WDR27: variants seen among roughly 807,000 people sequenced by gnomAD.
WDR27 encodes WD repeat-containing protein 27.
A neutral mutation model predicts 114.4 loss-of-function variants in WDR27; 100 were observed. The observed-to-expected ratio is 0.87, with a 90% CI of 0.74 to 1.03. The LOEUF is 1.03. WDR27 is among the 50% of genes least tolerant of loss of function. The pLI, the probability that WDR27 is intolerant of heterozygous loss-of-function variation, is 0.00. For missense variants in WDR27, 1,129 were observed against 1,092.9 expected (o/e 1.03, Z -0.47); for synonymous variants, 449 against 423.1 (o/e 1.06, Z -0.75).
intron 13 of WDR27, among the ~76,000 whole-genome samples, chr6:169,652,246 T>G (rs1008453002): frequency 2.5e-4 from 38 of 152,040 alleles, no homozygotes; most frequent in Non-Finnish European, 4.4e-4. Flanking sequence ...TTGTTGTTGT[T>G]TTGTTGTTGT....
intron 25 of WDR27, among the ~76,000 whole-genome samples, chr6:169,482,261 A>C (rs191192002): frequency 1.3e-5 from 2 of 152,208 alleles, no homozygotes; most frequent in African/African-American, 4.8e-5. Flanking sequence ...ATGAACATAC[A>C]TGTGCATGAG....
chr6:169,676,303 C>A (rs748002797), intron 2 of WDR27, among the ~76,000 whole-genome samples: 11 of 152,190 alleles, frequency 7.2e-5, no homozygotes, highest in Non-Finnish European at 1.6e-4. Context: ...CTTAAGGATT[C>A]ACACACTAAA....
intron 24 of WDR27, among the ~76,000 whole-genome samples, chr6:169,576,664 G>C (rs1802387920): frequency 6.6e-6 from 1 of 151,886 alleles, no homozygotes; most frequent in Non-Finnish European, 1.5e-5. Context: ...CTACTTAGGA[G>C]GTTGAGGCAG....
chr6:169,682,423 A>G (rs1346982055), intron 2 of WDR27, among the ~76,000 whole-genome samples: 1 of 152,202 alleles, frequency 6.6e-6, no homozygotes, highest in Non-Finnish European at 1.5e-5. Context: ...ACCCACGCTG[A>G]GTCCTACCCA....
chr6:169,558,844 A>T (rs975944376), intron 25 of WDR27: 1 of 152,214 alleles, frequency 6.6e-6, no homozygotes, highest in Non-Finnish European at 1.5e-5. Context: ...ATGAGCCATA[A>T]ATCCACAGCA....
chr6:169,642,173 T>C (rs887872022), intron 17 of WDR27, among the ~76,000 whole-genome samples: 2 of 152,184 alleles, frequency 1.3e-5, no homozygotes, highest in African/African-American at 4.8e-5. Flanking sequence ...GACACTCATT[T>C]TTCTGTGTTC....
At chr6:169,557,439 C>G (rs915194588) in intron 25 of WDR27, among the ~76,000 whole-genome samples, 4 of 152,142 alleles carry the variant, frequency 2.6e-5, no homozygotes, top group Non-Finnish European at 5.9e-5. Context: ...GCAGGTGCAC[C>G]TGTGATGCGG....
rs142363164 is a variant in WDR27, at chr6:169,471,708, T to C, written c.2646-14074A>G. The stretch of plus-strand genomic sequence containing the variant: ...ACATTTCTTCTTTCGTAAGACATTG[T>C]TAGTTTTAAGGTGTCCCAATAATAT... On this transcript the variant is annotated intron_variant, in intron 25 of 25. Coordinates refer to ENST00000448612, the MANE Select transcript of WDR27 (RefSeq NM_182552.5). Among the ~76,000 whole-genome samples, 366 of 152,302 alleles carry C rather than the reference T, an allele frequency of 2.4e-3. 1 individual carries two copies. Among genetic ancestry groups the C allele is most frequent in the African/African-American group, 7.5e-3 (311 of 41,566 alleles).
At chr6:169,534,392 T>C (rs1427827969) in intron 25 of WDR27, among the ~76,000 whole-genome samples, 3 of 152,228 alleles carry the variant, frequency 2.0e-5, no homozygotes, top group African/African-American at 7.2e-5. Context: ...CTCAGGGTAA[T>C]ACTCATCTCA....
In WDR27 at chr6:169,697,125, A is replaced by G. The variant is rs576493133; in HGVS notation, c.-8+4426T>C. 3.9e-4 allele frequency among the ~76,000 whole-genome samples: 60 copies of G among 152,270 alleles called. 1 individual carries two copies. Among genetic ancestry groups the G allele is most frequent in the Non-Finnish European group, 7.5e-4 (51 of 67,986 alleles). ...AGATCTTAGATATGATTACATATGA[A>G]TATCATTAATCATTAGTTTGTAGCA... is the stretch of plus-strand genomic sequence containing the variant. On this transcript the variant is annotated intron_variant, in intron 1 of 25. Coordinates refer to ENST00000448612, the MANE Select transcript of WDR27 (RefSeq NM_182552.5).
chr6:169,639,290 G>A (rs371532262), intron 17 of WDR27, among the ~76,000 whole-genome samples: 76 of 152,224 alleles, frequency 5.0e-4, no homozygotes, highest in Admixed American at 1.8e-3. Context: ...GCCTCGGCCC[G>A]GCAGTGTAAA....
intron 25 of WDR27, among the ~76,000 whole-genome samples, chr6:169,569,380 G>A (rs557372906): frequency 1.3e-5 from 2 of 152,158 alleles, no homozygotes; most frequent in South Asian, 4.1e-4. Context: ...AACTCACAAT[G>A]AACAGATTAA....
chr6:169,642,016 A>T (rs925060882), intron 17 of WDR27, among the ~76,000 whole-genome samples: 2 of 152,238 alleles, frequency 1.3e-5, no homozygotes, highest in African/African-American at 4.8e-5. Flanking sequence ...GCAGAAACAC[A>T]TAACTCCTTT....
At position 169,587,782 on chromosome 6, in the gene WDR27, G is replaced by A. The variant is rs988107888; in HGVS notation, c.2425-4848C>T. Among the ~76,000 whole-genome samples, 3 of 152,324 alleles carry A rather than the reference G, an allele frequency of 2.0e-5. 1 individual carries two copies. The highest frequency in any genetic ancestry group is 4.8e-5 in the African/African-American group (2 of 41,566). On this transcript the variant is annotated intron_variant, in intron 23 of 25. Coordinates refer to ENST00000448612, the MANE Select transcript of WDR27 (RefSeq NM_182552.5). ...GAGATTAAAAAGGATTTAACAAAACGTGCAAGGTTTTCGTGCCTGCTGGCA... is the reference window on the plus strand; with the variant it reads ...GAGATTAAAAAGGATTTAACAAAACATGCAAGGTTTTCGTGCCTGCTGGCA...
chr6:169,614,083 C>T lies in WDR27; in HGVS notation c.2224-427G>A, dbSNP rs75923921. 2.1e-3 allele frequency among the ~76,000 whole-genome samples: 319 copies of T among 152,306 alleles called. 4 individuals carry two copies. The East Asian group carries it at 0.031, about 15-fold the overall frequency. ...CTAAATGACACTCAGCAGGCTCCTG[C>T]GATGACTATGTGGGTGAACTCCCAC... On this transcript the variant is annotated intron_variant, in intron 21 of 25. Transcript: ENST00000448612.
chr6:169,649,091 CAT>C (rs1193582800), intron 15 of WDR27, 105 bp downstream of exon 15: 1 of 860,570 alleles, frequency 1.2e-6, no homozygotes, highest in East Asian at 2.7e-5. Flanking sequence ...TGTGTAAACA[CAT>C]GTACACATAT....
chr6:169,453,072 C>A (rs1350509149), downstream of WDR27, among the ~76,000 whole-genome samples: 1 of 152,190 alleles, frequency 6.6e-6, no homozygotes, highest in Non-Finnish European at 1.5e-5. Flanking sequence ...GGCTGATCAG[C>A]GTGAACAGTA....
rs1797595398 is a variant in WDR27, at chr6:169,547,420, T to A, written c.2645+24999A>T. ...TTTCTCATGTAGACAGATGCAAAAA[T>A]CCTCAATAAAATATTAATAAGTTGA... is the stretch of plus-strand genomic sequence containing the variant. On this transcript the variant is annotated intron_variant, in intron 25 of 25. Transcript: ENST00000448612. 3.3e-5 allele frequency among the ~76,000 whole-genome samples: 5 copies of A among 152,026 alleles called. No individual in the cohort carries two copies. In the South Asian group the frequency reaches 1.0e-3, roughly 32 times the overall value.
At chr6:169,592,145 T>C (rs1351778023) in intron 23 of WDR27, among the ~76,000 whole-genome samples, 1 of 152,144 alleles carries the variant, frequency 6.6e-6, no homozygotes, top group African/African-American at 2.4e-5. Flanking sequence ...CTCATCATCA[T>C]GTTCTTTTTT....
Sources: allele counts gnomAD v4.1 joint callset (sites outside exome capture counted in the v4.1 genomes callset), GRCh38; gene constraint gnomAD v4.1.1; transcripts MANE v1.5; gene names NCBI Gene and HGNC (gene_info 2026-07-23, HGNC 2026-07-21).